The following RORA variants were observed in gnomAD, a reference collection of about 807,000 sequenced individuals.
RORA encodes nuclear receptor ROR-alpha.
RORA carries 7 observed loss-of-function variants against 69.5 expected under a neutral mutation model. The ratio of observed to expected loss-of-function variants is 0.10; its 90% CI spans 0.06 to 0.19. The LOEUF (loss-of-function observed/expected upper bound fraction) is 0.19, where lower values mean the gene tolerates loss of function less well. RORA is among the 10% of genes least tolerant of loss of function. The probability of loss-of-function intolerance (pLI) is 1.00; values close to 1 mark genes in which losing one functional copy is unlikely to be tolerated. For synonymous variants in RORA, 261 were observed against 240.8 expected, an observed-to-expected ratio of 1.08 and a Z score of -0.78; for missense variants, 457 against 663.0, an observed-to-expected ratio of 0.69 and a Z score of 3.41.
intron 1 of RORA, among the ~76,000 whole-genome samples, chr15:61,032,170 G>A (rs1358616725): frequency 2.6e-5 from 4 of 152,148 alleles, no homozygotes; most frequent in African/African-American, 7.2e-5. Context: ...TTGAAATTAC[G>A]TAGGATTCCA....
chr15:60,795,884 C>A (rs779077382), intron 1 of RORA, among the ~76,000 whole-genome samples: 5 of 152,210 alleles, frequency 3.3e-5, no homozygotes, highest in African/African-American at 7.2e-5. Context: ...TGGGAAATTA[C>A]CCAAAAGGCC....
chr15:60,772,940 C>G (rs553369528), intron 1 of RORA, among the ~76,000 whole-genome samples: 1 of 152,200 alleles, frequency 6.6e-6, no homozygotes, highest in African/African-American at 2.4e-5. Flanking sequence ...TCTTAATTGC[C>G]GATTAAGATT....
At chr15:61,181,347 G>A (rs2079683874) in intron 1 of RORA, 1 of 152,094 alleles carries the variant, frequency 6.6e-6, no homozygotes, top group African/African-American at 2.4e-5. Context: ...TTATCTCCTG[G>A]AAGAACATTG....
At chr15:60,912,116 A>T (rs1891741588) in intron 1 of RORA, among the ~76,000 whole-genome samples, 1 of 152,116 alleles carries the variant, frequency 6.6e-6, no homozygotes, top group South Asian at 2.1e-4. Context: ...TGCCTGTTAA[A>T]CTCTCTGAAC....
At chr15:61,069,443 A>G (rs2078309223) in intron 1 of RORA, among the ~76,000 whole-genome samples, 1 of 152,234 alleles carries the variant, frequency 6.6e-6, no homozygotes, top group Non-Finnish European at 1.5e-5. Context: ...AGTTTAGCAA[A>G]GTCACAAAAA....
At chr15:61,198,580 G>A (rs1190487306) in intron 1 of RORA, among the ~76,000 whole-genome samples, 3 of 149,462 alleles carry the variant, frequency 2.0e-5, no homozygotes, top group Non-Finnish European at 4.4e-5. Context: ...CTGGAAAGAA[G>A]TATTACCCAA....
intron 2 of RORA, among the ~76,000 whole-genome samples, chr15:60,674,513 A>G (rs1344788577): frequency 6.6e-6 from 1 of 152,212 alleles, no homozygotes; most frequent in Non-Finnish European, 1.5e-5. Flanking sequence ...AATGATTGCA[A>G]TAAACACTTT....
chr15:61,183,533 C>CAA (rs11392772), intron 1 of RORA, among the ~76,000 whole-genome samples: 1,323 of 130,442 alleles, frequency 0.01, 6 homozygotes, highest in Non-Finnish European at 0.012. Context: ...GAGACTGTTT[C>CAA]AAAAAAAAAA....
intron 1 of RORA, among the ~76,000 whole-genome samples, chr15:60,949,566 G>A (rs559750012): frequency 1.4e-4 from 22 of 152,258 alleles, no homozygotes; most frequent in East Asian, 5.8e-4. Context: ...TCCAATTGTC[G>A]TAGCCTCGTC....
At chr15:60,512,286 TTTAG>T (rs1241554442) in intron 4 of RORA, among the ~76,000 whole-genome samples, 1 of 152,092 alleles carries the variant, frequency 6.6e-6, no homozygotes, top group South Asian at 2.1e-4. Flanking sequence ...TTTTTATTTA[TTTAG>T]TTAGTTATTT....
intron 1 of RORA, among the ~76,000 whole-genome samples, chr15:61,114,886 C>T (rs145543551): frequency 5.3e-5 from 8 of 152,298 alleles, no homozygotes; most frequent in South Asian, 4.1e-4. Flanking sequence ...AGTCCATTTA[C>T]GACATCAAAA....
intron 3 of RORA, among the ~76,000 whole-genome samples, chr15:60,525,360 G>C (rs1272433489): frequency 2.0e-5 from 3 of 152,186 alleles, no homozygotes; most frequent in African/African-American, 7.2e-5. Context: ...ATTCTGAGTT[G>C]TCCCCTCCTG....
chr15:60,653,932 A>C (rs1287456637), intron 2 of RORA, among the ~76,000 whole-genome samples: 6 of 152,264 alleles, frequency 3.9e-5, no homozygotes, highest in African/African-American at 1.4e-4. Context: ...CCAAAACTAC[A>C]AACAGCTTTA....
At chr15:60,778,214 G>A (rs1396211505) in intron 1 of RORA, among the ~76,000 whole-genome samples, 3 of 143,238 alleles carry the variant, frequency 2.1e-5, no homozygotes, top group South Asian at 2.3e-4. Flanking sequence ...GCTGGGCTCA[G>A]GTTTTTGTTT....
chr15:60,596,616 C>T (rs972918865), intron 2 of RORA, among the ~76,000 whole-genome samples: 3 of 152,066 alleles, frequency 2.0e-5, no homozygotes, highest in Admixed American at 6.5e-5. Context: ...CAGAAGGAGC[C>T]AGTTTCTCAT....
chr15:61,032,563 A>G (rs1324996206), intron 1 of RORA, among the ~76,000 whole-genome samples: 1 of 152,214 alleles, frequency 6.6e-6, no homozygotes, highest in Non-Finnish European at 1.5e-5. Context: ...ATGGAGTGTA[A>G]TCACACACCC....
At chr15:60,903,229 G>C (rs922875392) in intron 1 of RORA, among the ~76,000 whole-genome samples, 5 of 152,168 alleles carry the variant, frequency 3.3e-5, no homozygotes, top group African/African-American at 1.2e-4. Flanking sequence ...AGGGGATGAT[G>C]TAGGTGAGGA....
chr15:60,879,232 G>A (rs2073652699), intron 1 of RORA, among the ~76,000 whole-genome samples: 1 of 152,240 alleles, frequency 6.6e-6, no homozygotes, highest in South Asian at 2.1e-4. Context: ...AGGGTAGTGG[G>A]GCCCACAGTG....
At chr15:60,865,470 T>G (rs937248858) in intron 1 of RORA, among the ~76,000 whole-genome samples, 2 of 152,262 alleles carry the variant, frequency 1.3e-5, no homozygotes, top group African/African-American at 4.8e-5. Context: ...ATCTGCCTTA[T>G]GAGACTCACT....
Sources: gnomAD v4.1 joint callset for allele counts (sites outside exome capture counted in the v4.1 genomes callset) on GRCh38, gnomAD v4.1.1 for gene constraint, MANE v1.5 for transcripts, NCBI Gene and HGNC (gene_info 2026-07-23, HGNC 2026-07-21) for gene names.